AMBP: variants seen among roughly 807,000 people sequenced by gnomAD.
AMBP encodes the protein alpha-1-microglobulin/bikunin precursor, also known as protein AMBP.
In AMBP, 37 loss-of-function variants were observed where a neutral mutation model predicts 46.3. The observed-to-expected ratio is 0.80, with a 90% CI of 0.61 to 1.05. AMBP has a LOEUF of 1.05. AMBP is among the 50% of genes least tolerant of loss of function. The pLI, the probability that AMBP is intolerant of heterozygous loss-of-function variation, is 0.00. For missense variants in AMBP, 475 were observed against 461.2 expected, an observed-to-expected ratio of 1.03 and a Z score of -0.27; for synonymous variants, 174 against 175.9, an observed-to-expected ratio of 0.99 and a Z score of 0.09.
At position 114,074,047 on chromosome 9, in the gene AMBP, G is replaced by T; in HGVS notation, c.443C>A (p.Ala148Asp). ...FSRHHGPTIT[A>D]KLYGRAPQLR... ...TAATGAGCCTTTACCGTAGAGCTTG[G>T]CAGTAATGGTGGGTCCATGATGGCG... Residue 148 changes from alanine to aspartate, a missense_variant, in exon 4 of 10, where the codon GCC becomes GAC. Coordinates refer to ENST00000265132, the MANE Select transcript of AMBP (RefSeq NM_001633.4). The T allele has an allele frequency of 1.2e-6, 2 of 1,613,962 alleles. No homozygotes were observed. Among genetic ancestry groups the T allele is most frequent in the Non-Finnish European group, 8.5e-7 (1 of 1,179,862 alleles).
Position 114,060,889 on chromosome 9 carries a change from C to G in AMBP, c.1027+36G>C, listed in dbSNP as rs200723457. 194 of 1,596,142 alleles carry G rather than the reference C, an allele frequency of 1.2e-4. 2 individuals carry two copies. In the East Asian group the frequency reaches 4.2e-3, roughly 35 times the overall value. On this transcript the variant is annotated intron_variant, in intron 9 of 9. Coordinates refer to ENST00000265132, the MANE Select transcript of AMBP (RefSeq NM_001633.4). ...CTCTCCCACCTCGACTCCAACAGCC[C>G]CTCGGCCCAGCCTGGCACCCTGCAG...
chr9:114,075,134 T>A, intron 2 of AMBP, 98 bp from the exon 3 acceptor site: 2 of 959,120 alleles, frequency 2.1e-6, no homozygotes, highest in East Asian at 5.0e-5. Flanking sequence ...GCCTTGGTTT[T>A]GGGGTTTTTT....
intron 3 of AMBP, among the ~76,000 whole-genome samples, chr9:114,074,426 C>T (rs932994456): frequency 1.3e-5 from 2 of 152,214 alleles, no homozygotes; most frequent in South Asian, 4.1e-4. Context: ...TTTCCCCTAT[C>T]ACTCCATCAA....
In AMBP at chr9:114,060,228, C is replaced by T. The variant is rs1846618900; in HGVS notation, c.*11G>A. 8 of 1,612,312 alleles carry T rather than the reference C, an allele frequency of 5.0e-6. No homozygotes were observed. Among genetic ancestry groups the T allele is most frequent in the Non-Finnish European group, 5.1e-6 (6 of 1,179,304 alleles). Reference sequence around the variant, plus strand: ...CACTGGCCATCCTCTGACTTGCAGACCGGCCAGTTGTCAGTTGGAGAAGCG... The same window carrying T: ...CACTGGCCATCCTCTGACTTGCAGATCGGCCAGTTGTCAGTTGGAGAAGCG... On this transcript the variant is annotated 3_prime_UTR_variant, in exon 10 of 10. Coordinates refer to ENST00000265132, the MANE Select transcript of AMBP (RefSeq NM_001633.4).
chr9:114,066,769 T>C (rs1390061483), intron 6 of AMBP, among the ~76,000 whole-genome samples: 1 of 152,050 alleles, frequency 6.6e-6, no homozygotes, highest in Non-Finnish European at 1.5e-5. Flanking sequence ...AACTAATAGA[T>C]GTGGAAGGCA....
Position 114,076,598 on chromosome 9 carries a change from C to T in AMBP, c.260G>A (p.Arg87Gln), listed in dbSNP as rs777710018. The T allele has an allele frequency of 1.5e-5, 24 of 1,613,310 alleles. No homozygotes were observed. The highest frequency in any genetic ancestry group is 1.1e-4 in the African/African-American group (8 of 74,904). ...TTTCCAGCCCCACCCTAGTGCTCAC[C>T]GCCAACGAGTGCTGGTCATGCTGAT... ...AEISMTSTRW[R>Q]KGVCEETSGA... The change falls in exon 2 of 10, where the codon CGG becomes CAG. Residue 87 changes from arginine to glutamine, a missense_variant and splice_region_variant. This residue lies in a region of AMBP where 179 missense variants were observed against 167.4 expected (regional missense o/e 1.07). Transcript: ENST00000265132.
chr9:114,061,117 C>A lies in AMBP; in HGVS notation c.854-19G>T, dbSNP rs762799585. 6.2e-7 allele frequency: 1 copy of A among 1,611,964 alleles called. No individual in the cohort carries two copies. The highest frequency in any genetic ancestry group is 2.2e-5 in the East Asian group (1 of 44,870). ...CAGGCCGCTGTGGAGTGGAGAGAGGCATGGAACTTGAGAAACCCTTGTGAC... is the reference window on the plus strand; with the variant it reads ...CAGGCCGCTGTGGAGTGGAGAGAGGAATGGAACTTGAGAAACCCTTGTGAC... On this transcript the variant is annotated intron_variant, in intron 8 of 9. Transcript: ENST00000265132.
At chr9:114,066,668 A>G (rs909215971) in intron 6 of AMBP, among the ~76,000 whole-genome samples, 1 of 152,224 alleles carries the variant, frequency 6.6e-6, no homozygotes, top group Admixed American at 6.5e-5. Flanking sequence ...AATGACTGCT[A>G]AAAATGCAAT....
chr9:114,065,320 G>A (rs80252371), intron 6 of AMBP, among the ~76,000 whole-genome samples: 2,757 of 152,226 alleles, frequency 0.018, 103 homozygotes, highest in African/African-American at 0.064. Context: ...CGGGTGATTC[G>A]CACACATAGA....
chr9:114,060,770 G>A, intron 9 of AMBP, 155 bp downstream of exon 9: 3 of 902,498 alleles, frequency 3.3e-6, no homozygotes, highest in East Asian at 5.0e-5. Flanking sequence ...CTGGGGTAAG[G>A]CCCCAGGCTC....
rs997501852 is a variant in AMBP, at chr9:114,076,748, G to T, written c.118-8C>A. 9.3e-6 allele frequency: 15 copies of T among 1,613,620 alleles called. No individual in the cohort carries two copies. Among genetic ancestry groups the T allele is most frequent in the Non-Finnish European group, 1.3e-5 (15 of 1,179,788 alleles). Reference sequence around the variant, plus strand: ...GTACCACTTCCCATAGATCTAGGAGGCAGGTGAGCTCTGGGGGTCTGCATC... The same window carrying T: ...GTACCACTTCCCATAGATCTAGGAGTCAGGTGAGCTCTGGGGGTCTGCATC... On this transcript the variant is annotated splice_polypyrimidine_tract_variant and splice_region_variant and intron_variant, in intron 1 of 9. Transcript: ENST00000265132.
intron 6 of AMBP, among the ~76,000 whole-genome samples, chr9:114,067,053 G>A (rs944929084): frequency 6.6e-6 from 1 of 152,038 alleles, no homozygotes; most frequent in Non-Finnish European, 1.5e-5. Context: ...TGATTCTACT[G>A]CCTCAGCCTT....
rs1215226439 is a variant in AMBP, at chr9:114,061,090, T to A, written c.862A>T (p.Asn288Tyr). 1.9e-6 allele frequency: 3 copies of A among 1,613,984 alleles called. No homozygotes were observed. In the South Asian group the frequency reaches 3.3e-5, roughly 18 times the overall value. The change falls in exon 9 of 10, where the codon AAT (asparagine) becomes TAT (tyrosine). Residue 288 changes from asparagine (N) to tyrosine (Y), a missense_variant. By Grantham distance (143) the Asn-to-Tyr change is moderately radical. Transcript: ENST00000265132. Reference sequence around the variant, plus strand: ...CAGGGGCCCCGGACTATGGGGAGATTGCAGGCCGCTGTGGAGTGGAGAGAG... The same window carrying A: ...CAGGGGCCCCGGACTATGGGGAGATAGCAGGCCGCTGTGGAGTGGAGAGAG... Reference protein sequence around the residue: ...LQTCRTVAACNLPIVRGPCRA... With the variant: ...LQTCRTVAACYLPIVRGPCRA...
intron 1 of AMBP, chr9:114,077,750 A>G: frequency 3.9e-6 from 1 of 255,486 alleles, no homozygotes; most frequent in Non-Finnish European, 7.7e-6. Flanking sequence ...TTAGAGAAGG[A>G]AGGGCTGGGA....
intron 5 of AMBP, 151 bp from the exon 6 acceptor site, chr9:114,069,896 A>C: frequency 1.4e-6 from 1 of 717,448 alleles, no homozygotes; most frequent in Non-Finnish European, 2.4e-6. Flanking sequence ...TGGCTTGCTC[A>C]AGGCCATTCA....
Position 114,073,017 on chromosome 9 carries a change from G to A in AMBP, c.464C>T (p.Pro155Leu), listed in dbSNP as rs151200946. 193 of 1,613,104 alleles carry A rather than the reference G, an allele frequency of 1.2e-4. No individual in the cohort carries two copies. Among genetic ancestry groups the A allele is most frequent in the Admixed American group, 3.3e-4 (20 of 59,942 alleles). ...CTGCAGGAGAGTTTCCCTCAGCTGC[G>A]GCGCCCGCCCTGCAAGGAGGAAGCA... ...TITAKLYGRA[P>L]QLRETLLQDF... The change falls in exon 5 of 10, where the codon CCG becomes CTG. Residue 155 changes from proline (P) to leucine (L), a missense_variant. Physicochemically the swap from Pro to Leu is moderately conservative, Grantham distance 98 (BLOSUM62 -3). Transcript: ENST00000265132.
Position 114,062,739 on chromosome 9 carries a change from A to G in AMBP, c.623T>C (p.Leu208Pro). 4 of 1,614,126 alleles carry G rather than the reference A, an allele frequency of 2.5e-6. No individual in the cohort carries two copies. Among genetic ancestry groups the G allele is most frequent in the Non-Finnish European group, 3.4e-6 (4 of 1,180,028 alleles). The change falls in exon 7 of 10, where the codon CTA becomes CCA. Residue 208 changes from leucine (L) to proline (P), a missense_variant. Coordinates refer to ENST00000265132, the MANE Select transcript of AMBP (RefSeq NM_001633.4). ...ILIPRVRRAV[L>P]PQEEEGSGGG... Reference sequence around the variant, plus strand: ...CCCTGATCCTTCCTCTTCTTGGGGTAGCACAGCCCTCCGGACTCTCTGCGG... The same window carrying G: ...CCCTGATCCTTCCTCTTCTTGGGGTGGCACAGCCCTCCGGACTCTCTGCGG...
At position 114,078,170 on chromosome 9, in the gene AMBP, A is replaced by T. The variant is rs1846835086; in HGVS notation, c.40T>A (p.Cys14Ser). 6.2e-7 allele frequency: 1 copy of T among 1,613,320 alleles called. No homozygotes were observed. Among genetic ancestry groups the T allele is most frequent in the Non-Finnish European group, 8.5e-7 (1 of 1,180,030 alleles). ...ACAGGGCCAGCGCTCACCGCCAGGC[A>T]GGCGCTCAGCAGCAAGAGCAGGGCC... Reference protein sequence around the residue: ...LGALLLLLSACLAVSAGPVPT... With the variant: ...LGALLLLLSASLAVSAGPVPT... Residue 14 changes from cysteine to serine, a missense_variant, in exon 1 of 10, where the codon TGC becomes AGC. Physicochemically the swap from Cys to Ser is moderately radical, Grantham distance 112. Coordinates refer to ENST00000265132, the MANE Select transcript of AMBP (RefSeq NM_001633.4).
In AMBP at chr9:114,076,704, T is replaced by C. The variant is rs761781766; in HGVS notation, c.154A>G (p.Thr52Ala). The C allele has an allele frequency of 1.9e-6, 3 of 1,613,824 alleles. No homozygotes were observed. The African/African-American group carries it at 4.0e-5, about 22-fold the overall frequency. Residue 52 changes from threonine (T) to alanine (A), a missense_variant, in exon 2 of 10, where the codon ACC becomes GCC. Around this residue, in one of 3 missense-constraint regions of AMBP, gnomAD observed 179 missense variants for 167.4 expected, o/e 1.07. Coordinates refer to ENST00000265132, the MANE Select transcript of AMBP (RefSeq NM_001633.4). ...ATGATCTTCTTCAGCCAGGGGCAGGTGGAACCGATGGCCAGGTTGTACCAC... is the reference window on the plus strand; with the variant it reads ...ATGATCTTCTTCAGCCAGGGGCAGGCGGAACCGATGGCCAGGTTGTACCAC... ...GKWYNLAIGS[T>A]CPWLKKIMDR...
Sources: allele counts gnomAD v4.1 joint callset (sites outside exome capture counted in the v4.1 genomes callset), GRCh38; gene constraint gnomAD v4.1.1; regional missense constraint gnomAD v4.1.1; transcripts MANE v1.5; gene names NCBI Gene and HGNC (gene_info 2026-07-23, HGNC 2026-07-21).